Variants in ST6GAL1 observed in about 807,000 individuals in gnomAD.
The protein encoded by ST6GAL1 is ST6 beta-galactoside alpha-2,6-sialyltransferase 1.
In ST6GAL1, 20 loss-of-function variants were observed where a neutral mutation model predicts 38.0. The observed-to-expected ratio is 0.53, with a 90% CI of 0.37 to 0.77. The LOEUF (loss-of-function observed/expected upper bound fraction) is 0.77. Ranked by LOEUF, ST6GAL1 falls within the 30% of genes least tolerant of loss-of-function variation. ST6GAL1 has a pLI of 0.00. For synonymous variants in ST6GAL1, 196 were observed against 188.2 expected (o/e 1.04, Z -0.34); for missense variants, 432 against 496.4 (o/e 0.87, Z 1.23).
intron 7 of ST6GAL1, among the ~76,000 whole-genome samples, chr3:187,074,984 C>G (rs997807415): frequency 6.6e-6 from 1 of 152,064 alleles, no homozygotes; most frequent in Non-Finnish European, 1.5e-5. Flanking sequence ...GCCAGGGGCC[C>G]CCTTCTTGGA....
chr3:186,963,708 C>G (rs1388707035), intron 1 of ST6GAL1, 77 bp from the exon 2 acceptor site: 1 of 152,316 alleles, frequency 6.6e-6, no homozygotes, highest in Non-Finnish European at 1.5e-5. Context: ...GGAGCAAAGA[C>G]TCTTTCCTCC....
At chr3:187,009,015 T>G (rs1210885229) in intron 2 of ST6GAL1, among the ~76,000 whole-genome samples, 2 of 152,166 alleles carry the variant, frequency 1.3e-5, no homozygotes, top group African/African-American at 4.8e-5. Context: ...ATAGAATTAC[T>G]GAATTAAAAG....
intron 1 of ST6GAL1, among the ~76,000 whole-genome samples, chr3:186,941,498 T>C (rs1714171604): frequency 1.3e-5 from 2 of 152,028 alleles, no homozygotes; most frequent in Middle Eastern, 3.4e-3. Context: ...CTGCAAGAGA[T>C]AAAAATAAGA....
intron 2 of ST6GAL1, among the ~76,000 whole-genome samples, chr3:186,971,914 A>G (rs189847265): frequency 6.6e-6 from 1 of 152,314 alleles, no homozygotes; most frequent in African/African-American, 2.4e-5. Context: ...GGCAGCTGCC[A>G]TGGCCTCAAG....
intron 2 of ST6GAL1, among the ~76,000 whole-genome samples, chr3:187,019,435 G>A (rs914010393): frequency 2.6e-5 from 4 of 152,162 alleles, no homozygotes; most frequent in African/African-American, 9.7e-5. Context: ...TGTTATTTTT[G>A]CTCACATTTC....
chr3:186,996,374 A>G (rs141136764), intron 2 of ST6GAL1, among the ~76,000 whole-genome samples: 1,559 of 152,358 alleles, frequency 0.01, 10 homozygotes, highest in Non-Finnish European at 0.017. Flanking sequence ...TGTTACCTAC[A>G]TGATGGCATA....
At chr3:186,946,344 A>G (rs1427024599) in intron 1 of ST6GAL1, among the ~76,000 whole-genome samples, 1 of 152,026 alleles carries the variant, frequency 6.6e-6, no homozygotes, top group East Asian at 1.9e-4. Flanking sequence ...ATAAAATAAA[A>G]TAATAAAATT....
intron 1 of ST6GAL1, among the ~76,000 whole-genome samples, chr3:186,936,046 A>G (rs747390887): frequency 3.0e-4 from 46 of 152,172 alleles, no homozygotes; most frequent in Non-Finnish European, 5.4e-4. Flanking sequence ...AGACCCACCC[A>G]TTCTTTGTCC....
At chr3:187,074,424 C>A in intron 7 of ST6GAL1, 91 bp downstream of exon 7, 2 of 1,344,592 alleles carry the variant, frequency 1.5e-6, no homozygotes, top group South Asian at 1.7e-5. Flanking sequence ...TTCGTTTGTT[C>A]ATTTGTTCAC....
chr3:187,051,571 G>A (rs1718516952), intron 5 of ST6GAL1: 1 of 473,202 alleles, frequency 2.1e-6, no homozygotes, highest in Non-Finnish European at 3.9e-6. Context: ...TAATGGAGGT[G>A]TCTGGTACCC....
chr3:186,976,257 C>T (rs538518916), intron 2 of ST6GAL1, among the ~76,000 whole-genome samples: 1 of 152,246 alleles, frequency 6.6e-6, no homozygotes, highest in East Asian at 1.9e-4. Flanking sequence ...TATTCACCTC[C>T]CCCAACCTTC....
At chr3:186,939,456 G>T (rs1714085722) in intron 1 of ST6GAL1, among the ~76,000 whole-genome samples, 1 of 152,184 alleles carries the variant, frequency 6.6e-6, no homozygotes, top group Non-Finnish European at 1.5e-5. Flanking sequence ...AAGGAGCACT[G>T]AATTCGGAGT....
intron 2 of ST6GAL1, chr3:186,996,778 T>TTCTGCTCTCCTGTTTTGCAAATA: frequency 6.6e-6 from 1 of 152,296 alleles, no homozygotes; most frequent in South Asian, 2.1e-4. Context: ...ATGCACACCT[T>TTCTGCTCTCCTGTTTTGCAAATA]TCTGCTCTCC....
At chr3:186,958,663 C>T (rs1714825348) in intron 1 of ST6GAL1, among the ~76,000 whole-genome samples, 1 of 152,052 alleles carries the variant, frequency 6.6e-6, no homozygotes, top group South Asian at 2.1e-4. Context: ...TAAAAAAGGG[C>T]TCAATGTGCC....
chr3:186,977,383 A>G (rs1715554641), intron 2 of ST6GAL1, among the ~76,000 whole-genome samples: 1 of 152,150 alleles, frequency 6.6e-6, no homozygotes, highest in Non-Finnish European at 1.5e-5. Context: ...AGCCCCAGGG[A>G]GAATTTGGAC....
chr3:186,956,766 A>G (rs1714763155), intron 1 of ST6GAL1, among the ~76,000 whole-genome samples: 1 of 152,224 alleles, frequency 6.6e-6, no homozygotes, highest in South Asian at 2.1e-4. Context: ...AGAAGCACTG[A>G]TCATGCACAC....
rs555007108 is a variant in ST6GAL1 at position 187,059,976 on chromosome 3, T to C, written c.705+8630T>C. On this transcript the variant is annotated intron_variant, in intron 5 of 7. Coordinates refer to ENST00000169298, the MANE Select transcript of ST6GAL1 (RefSeq NM_173216.2). The stretch of plus-strand genomic sequence containing the variant: ...GTGGTACTTGGCTGTGTAGAAGGAA[T>C]GTGTGGATGTTGAAAAGGGTGGGAT... Among the ~76,000 whole-genome samples the C allele has an allele frequency of 6.6e-5, 10 of 152,148 alleles. No individual in the cohort carries two copies. In the South Asian group the frequency reaches 2.1e-3, roughly 32 times the overall value.
intron 2 of ST6GAL1, among the ~76,000 whole-genome samples, chr3:186,976,459 T>C (rs1436082132): frequency 6.6e-6 from 1 of 152,210 alleles, no homozygotes; most frequent in African/African-American, 2.4e-5. Context: ...AGATAGCGTC[T>C]TGCTCTGTTG....
chr3:186,954,708 G>A (rs977704313), intron 1 of ST6GAL1, among the ~76,000 whole-genome samples: 4 of 151,180 alleles, frequency 2.6e-5, no homozygotes, highest in African/African-American at 7.3e-5. Flanking sequence ...TAAATTCCTT[G>A]TAGATTCTGG....
Sources: allele counts gnomAD v4.1 joint callset (sites outside exome capture counted in the v4.1 genomes callset), GRCh38; gene constraint gnomAD v4.1.1; transcripts MANE v1.5; gene names NCBI Gene and HGNC (gene_info 2026-07-23, HGNC 2026-07-21).